Variants in CMPK1 observed in about 807,000 individuals in gnomAD.
CMPK1 encodes the protein cytidine/uridine monophosphate kinase 1.
Under a neutral mutation model 25.7 loss-of-function variants are expected in CMPK1, and 10 were observed. That is an observed-to-expected ratio of 0.39 (90% confidence interval 0.24 to 0.66). The LOEUF is 0.66. Ranked by LOEUF, CMPK1 falls within the 30% of genes least tolerant of loss-of-function variation. The probability of loss-of-function intolerance (pLI) is 0.48; values close to 1 mark genes in which losing one functional copy is unlikely to be tolerated. For synonymous variants in CMPK1, 106 were observed against 101.5 expected, an observed-to-expected ratio of 1.04 and a Z score of -0.27; for missense variants, 199 against 280.5, an observed-to-expected ratio of 0.71 and a Z score of 2.08.
rs1646717630 is a variant in CMPK1 at position 47,377,847 on chromosome 1, A to G, written c.*1102A>G. 1 of 152,636 alleles carries G rather than the reference A, an allele frequency of 6.6e-6. No homozygotes were observed. The highest frequency in any genetic ancestry group is 2.4e-5 in the African/African-American group (1 of 41,468). The allele number at this position is 152,636 out of a possible 1,614,324, so 9.5% of individuals were successfully genotyped here. A position where few individuals can be genotyped will look rare whatever the true frequency, so the allele number is the denominator to read the frequency against. ...TGGCATCATGTTGAAGCACCGAAAG[A>G]TAAATGATTTTTAAAAGGCTATAGA... On this transcript the variant is annotated 3_prime_UTR_variant, in exon 6 of 6. Transcript: ENST00000371873.
chr1:47,340,740 C>T (rs1646435753), intron 1 of CMPK1, among the ~76,000 whole-genome samples: 2 of 152,048 alleles, frequency 1.3e-5, no homozygotes, highest in Non-Finnish European at 2.9e-5. Context: ...TGGGTTCAAG[C>T]GATTCTCCTG....
intron 2 of CMPK1, among the ~76,000 whole-genome samples, chr1:47,372,150 G>A (rs1200861842): frequency 6.8e-6 from 1 of 147,926 alleles, no homozygotes; most frequent in Non-Finnish European, 1.5e-5. Context: ...CTGGAGTGCT[G>A]TGGCACGATC....
At chr1:47,340,382 C>T (rs1161445850) in intron 1 of CMPK1, among the ~76,000 whole-genome samples, 1 of 151,946 alleles carries the variant, frequency 6.6e-6, no homozygotes, top group Non-Finnish European at 1.5e-5. Context: ...AACGATCCTC[C>T]CACCTCAGTC....
Position 47,333,967 on chromosome 1 carries a change from G to T in CMPK1, c.22G>T (p.Gly8Trp), listed in dbSNP as rs7543016. 2 of 1,493,176 alleles carry T rather than the reference G, an allele frequency of 1.3e-6. No individual in the cohort carries two copies. Among genetic ancestry groups the T allele is most frequent in the Non-Finnish European group, 1.8e-6 (2 of 1,114,482 alleles). 92.5% of individuals were successfully genotyped at this position (1,493,176 alleles called of 1,614,324 possible). A position where few individuals can be genotyped will look rare whatever the true frequency, so the allele number is the denominator to read the frequency against. ...GTGTATGCTGAGCCGCTGCCGCAGC[G>T]GGCTGCTCCACGTCCTGGGCCTTAG... MLSRCRS[G>W]LLHVLGLSFL... The change falls in exon 1 of 6, where the codon GGG (glycine) becomes TGG (tryptophan). Residue 8 changes from glycine to tryptophan, a missense_variant. Physicochemically the swap from Gly to Trp is radical, Grantham distance 184. Coordinates refer to ENST00000371873, the MANE Select transcript of CMPK1 (RefSeq NM_016308.3).
rs559048345 is a variant in CMPK1 at position 47,343,284 on chromosome 1, G to A, written c.171+9168G>A. Among the ~76,000 whole-genome samples the A allele has an allele frequency of 1.4e-4, 21 of 150,438 alleles. No homozygotes were observed. The East Asian group carries it at 2.7e-3, about 19-fold the overall frequency. On this transcript the variant is annotated intron_variant, in intron 1 of 5. Coordinates refer to ENST00000371873, the MANE Select transcript of CMPK1 (RefSeq NM_016308.3). Reference sequence around the variant, plus strand: ...TTACAGGCATGAGCCACAATGCCCGGCCCTCTGTGTATTTTTAAAAAATAT... The same window carrying A: ...TTACAGGCATGAGCCACAATGCCCGACCCTCTGTGTATTTTTAAAAAATAT...
intron 1 of CMPK1, among the ~76,000 whole-genome samples, chr1:47,351,261 A>C (rs1646520897): frequency 6.6e-6 from 1 of 151,946 alleles, no homozygotes; most frequent in African/African-American, 2.4e-5. Context: ...TTGTATTTTT[A>C]TTAGAGATGG....
intron 1 of CMPK1, among the ~76,000 whole-genome samples, chr1:47,366,734 T>C (rs1311144563): frequency 1.3e-5 from 2 of 152,110 alleles, no homozygotes; most frequent in African/African-American, 4.8e-5. Context: ...ATAATAATTA[T>C]TTTTATTTGA....
rs371074658 is a variant in CMPK1 at position 47,363,842 on chromosome 1, T to C, written c.172-4627T>C. Among the ~76,000 whole-genome samples the C allele has an allele frequency of 1.2e-4, 18 of 149,450 alleles. No individual in the cohort carries two copies. In the East Asian group the frequency reaches 1.8e-3, roughly 15 times the overall value. On this transcript the variant is annotated intron_variant, in intron 1 of 5. Transcript: ENST00000371873. ...CCTATAGTCCCAGCTCCTCGGGACG[T>C]TGAGGCAGGAGAATCGCTTGAACCT...
intron 2 of CMPK1, among the ~76,000 whole-genome samples, chr1:47,371,209 A>G (rs1021461672): frequency 4.1e-4 from 62 of 152,202 alleles, no homozygotes; most frequent in Admixed American, 2.9e-3. Context: ...TTGTACACAC[A>G]TTCTTACCTC....
intron 2 of CMPK1, among the ~76,000 whole-genome samples, chr1:47,370,912 G>T (rs543734933): frequency 6.6e-6 from 1 of 151,846 alleles, no homozygotes; most frequent in African/African-American, 2.4e-5. Flanking sequence ...AGCCAGGATC[G>T]CACCATTGTA....
At chr1:47,336,909 T>A (rs1646403119) in intron 1 of CMPK1, among the ~76,000 whole-genome samples, 3 of 152,240 alleles carry the variant, frequency 2.0e-5, no homozygotes, top group South Asian at 4.1e-4. Flanking sequence ...TACAGTATGC[T>A]GTTTCTGAAT....
chr1:47,375,929 G>A lies in CMPK1; in HGVS notation c.645+636G>A, dbSNP rs376249494. ...TAAGATAAAAAAGAAAGGCCCAGGG[G>A]AAGAAGATTCAGGGAATCTTTTTTT... On this transcript the variant is annotated intron_variant, in intron 5 of 5. Coordinates refer to ENST00000371873, the MANE Select transcript of CMPK1 (RefSeq NM_016308.3). Among the ~76,000 whole-genome samples the A allele has an allele frequency of 3.4e-4, 52 of 152,282 alleles. No homozygotes were observed. In the East Asian group the frequency reaches 8.9e-3, roughly 26 times the overall value.
chr1:47,366,953 T>C (rs1434836345), intron 1 of CMPK1, among the ~76,000 whole-genome samples: 1 of 152,190 alleles, frequency 6.6e-6, no homozygotes, highest in Non-Finnish European at 1.5e-5. Context: ...CTCAAACTCC[T>C]GACCTCAGGT....
At chr1:47,362,243 C>T (rs1646608583) in intron 1 of CMPK1, among the ~76,000 whole-genome samples, 1 of 149,428 alleles carries the variant, frequency 6.7e-6, no homozygotes, top group Admixed American at 6.7e-5. Context: ...GATCTTGGCT[C>T]ACTGCAACCT....
intron 1 of CMPK1, among the ~76,000 whole-genome samples, chr1:47,357,773 C>G (rs1006035575): frequency 3.3e-5 from 5 of 152,026 alleles, no homozygotes; most frequent in Admixed American, 6.6e-5. Flanking sequence ...ATGTGAGCCA[C>G]TGCACCGGCC....
rs11211518 is a variant in CMPK1 at position 47,340,486 on chromosome 1, A to G, written c.171+6370A>G. On this transcript the variant is annotated intron_variant, in intron 1 of 5. Transcript: ENST00000371873. ...ACTTTTGTTTACTCTCAATGAATGA[A>G]TCAATGATATGGTTGTGAAAATCTG... Among the ~76,000 whole-genome samples the G allele has an allele frequency of 7.9e-3, 1,206 of 152,260 alleles. 12 individuals are homozygous for G. The highest frequency in any genetic ancestry group is 0.027 in the African/African-American group (1,133 of 41,550).
At chr1:47,336,223 T>C (rs532579294) in intron 1 of CMPK1, among the ~76,000 whole-genome samples, 1 of 152,296 alleles carries the variant, frequency 6.6e-6, no homozygotes, top group African/African-American at 2.4e-5. Context: ...CTTTCTTAAA[T>C]AGCATGATGG....
chr1:47,365,091 C>T (rs906800670), intron 1 of CMPK1, among the ~76,000 whole-genome samples: 1 of 152,080 alleles, frequency 6.6e-6, no homozygotes, highest in South Asian at 2.1e-4. Context: ...ACTTCAGTTG[C>T]TTTAAAAATA....
intron 1 of CMPK1, among the ~76,000 whole-genome samples, chr1:47,364,283 A>G (rs1646623710): frequency 6.6e-6 from 1 of 151,932 alleles, no homozygotes; most frequent in South Asian, 2.1e-4. Flanking sequence ...AGTTTTATAT[A>G]TATATTTTTT....
Sources: allele counts gnomAD v4.1 joint callset (sites outside exome capture counted in the v4.1 genomes callset), GRCh38; gene constraint gnomAD v4.1.1; transcripts MANE v1.5; gene names NCBI Gene and HGNC (gene_info 2026-07-23, HGNC 2026-07-21).